Variants in KIRREL3 observed in about 807,000 individuals in gnomAD.
The protein encoded by KIRREL3 is kin of IRRE-like protein 3.
In KIRREL3, 36 loss-of-function variants were observed where a neutral mutation model predicts 89.7. The observed-to-expected ratio is 0.40, with a 90% CI of 0.31 to 0.53. The LOEUF is 0.53. Ranked by LOEUF, KIRREL3 falls within the 20% of genes least tolerant of loss-of-function variation. The probability of loss-of-function intolerance (pLI) is 0.49; values close to 1 mark genes in which losing one functional copy is unlikely to be tolerated. For synonymous variants in KIRREL3, 445 were observed against 441.4 expected, an observed-to-expected ratio of 1.01 and a Z score of -0.10; for missense variants, 864 against 1,056.6, an observed-to-expected ratio of 0.82 and a Z score of 2.53.
At position 126,423,717 on chromosome 11, in the gene KIRREL3, G is replaced by A. The variant is rs1954814196; in HGVS notation, c.*863C>T. On this transcript the variant is annotated 3_prime_UTR_variant, in exon 17 of 17. Transcript: ENST00000525144. Reference sequence around the variant, plus strand: ...TCTCCATAAGTGTTCAGAGAACCCTGACCAGAGAAGCTCCCGCACTTCTTA... The same window carrying A: ...TCTCCATAAGTGTTCAGAGAACCCTAACCAGAGAAGCTCCCGCACTTCTTA... 1 of 152,186 alleles carries A rather than the reference G, an allele frequency of 6.6e-6. No individual in the cohort carries two copies. The highest frequency in any genetic ancestry group is 2.4e-5 in the African/African-American group (1 of 41,408). 9.4% of individuals were successfully genotyped at this position (152,186 alleles called of 1,614,324 possible). A position where few individuals can be genotyped will look rare whatever the true frequency, so the allele number is the denominator to read the frequency against.
At chr11:126,457,250 T>C (rs1162409205) in intron 6 of KIRREL3, among the ~76,000 whole-genome samples, 4 of 131,180 alleles carry the variant, frequency 3.0e-5, no homozygotes, top group African/African-American at 1.7e-4. Context: ...TGTATGTGTG[T>C]GTATGTGTGT....
intron 1 of KIRREL3, among the ~76,000 whole-genome samples, chr11:126,839,980 G>A (rs920581703): frequency 2.0e-5 from 3 of 152,152 alleles, no homozygotes; most frequent in African/African-American, 7.2e-5. Flanking sequence ...AGGAAGGAAA[G>A]TGTACACAGC....
At chr11:126,444,548 G>A (rs1043942779) in intron 10 of KIRREL3, among the ~76,000 whole-genome samples, 5 of 152,184 alleles carry the variant, frequency 3.3e-5, no homozygotes, top group Non-Finnish European at 7.3e-5. Context: ...AGCTGAGATC[G>A]TGCCACTGCA....
At chr11:126,792,385 T>C (rs554387123) in intron 1 of KIRREL3, among the ~76,000 whole-genome samples, 1 of 152,334 alleles carries the variant, frequency 6.6e-6, no homozygotes, top group Non-Finnish European at 1.5e-5. Context: ...AAAATGGTGA[T>C]GCAGAGAAGT....
Position 126,669,998 on chromosome 11 carries a change from A to T in KIRREL3, c.56-107086T>A, listed in dbSNP as rs1009544822. Among the ~76,000 whole-genome samples the T allele has an allele frequency of 6.6e-6, 1 of 151,682 alleles. No homozygotes were observed. The highest frequency in any genetic ancestry group is 1.5e-5 in the Non-Finnish European group (1 of 67,942). ...CAAGCTCATGCCTCAGTCTCCCCTG[A>T]CTCTTCCCATTCCTTCTCCCAGCAC... On this transcript the variant is annotated intron_variant, in intron 1 of 16. Transcript: ENST00000525144. This position sits in a 1 kb window ranked among gnomAD's most constrained non-coding sequence, Gnocchi z 5.0.
At position 126,954,153 on chromosome 11, in the gene KIRREL3, T is replaced by A. The variant is rs559292673; in HGVS notation, c.55+46302A>T. Reference sequence around the variant, plus strand: ...TCCAAATGAGTGAGGTGGGGGGTGGTATTGAGGTATTGAGGTCATCACTTA... The same window carrying A: ...TCCAAATGAGTGAGGTGGGGGGTGGAATTGAGGTATTGAGGTCATCACTTA... On this transcript the variant is annotated intron_variant, in intron 1 of 16. Transcript: ENST00000525144. This position sits in a 1 kb window ranked among gnomAD's most constrained non-coding sequence, Gnocchi z 4.1. 1.3e-5 allele frequency among the ~76,000 whole-genome samples: 2 copies of A among 151,978 alleles called. No individual in the cohort carries two copies. The highest frequency in any genetic ancestry group is 4.8e-5 in the African/African-American group (2 of 41,444).
In KIRREL3 at chr11:126,990,835, G is replaced by A. The variant is rs1162557396; in HGVS notation, c.55+9620C>T. On this transcript the variant is annotated intron_variant, in intron 1 of 16. Transcript: ENST00000525144. The surrounding 1 kb of genome is among the most constrained non-coding windows in gnomAD (Gnocchi z 6.3). ...AACGCAACCACTGAGGGATTAAGTG[G>A]TGGTTTTGCTTTCTTTGCCACAAGG... 1.3e-5 allele frequency among the ~76,000 whole-genome samples: 2 copies of A among 152,226 alleles called. No homozygotes were observed. The highest frequency in any genetic ancestry group is 2.9e-5 in the Non-Finnish European group (2 of 68,040).
chr11:126,554,209 G>A (rs1222758853), intron 2 of KIRREL3, among the ~76,000 whole-genome samples: 1 of 152,118 alleles, frequency 6.6e-6, no homozygotes, highest in Non-Finnish European at 1.5e-5. Flanking sequence ...TGACATCACC[G>A]AAGACAGGAT....
At chr11:126,799,321 T>C (rs1472410012) in intron 1 of KIRREL3, among the ~76,000 whole-genome samples, 1 of 73,082 alleles carries the variant, frequency 1.4e-5, no homozygotes, top group Non-Finnish European at 2.6e-5. Context: ...TGTGTACCTA[T>C]GTGTATCTGT....
In KIRREL3 at chr11:126,904,097, C is replaced by G. The variant is rs1441487641; in HGVS notation, c.55+96358G>C. ...AAGACCCTGAAGGTCCTTTCCAACT[C>G]TAAATTGCTATGATTTTATGAAGAT... On this transcript the variant is annotated intron_variant, in intron 1 of 16. Transcript: ENST00000525144. This position sits in a 1 kb window ranked among gnomAD's most constrained non-coding sequence, Gnocchi z 4.4. 2.0e-5 allele frequency among the ~76,000 whole-genome samples: 3 copies of G among 152,188 alleles called. No individual in the cohort carries two copies. Among genetic ancestry groups the G allele is most frequent in the Non-Finnish European group, 4.4e-5 (3 of 68,026 alleles).
chr11:126,930,353 G>A (rs948124), intron 1 of KIRREL3, among the ~76,000 whole-genome samples: 50,221 of 151,936 alleles, frequency 0.33, 8,975 homozygotes, highest in Middle Eastern at 0.54. Flanking sequence ...CATTCTTTGC[G>A]ATGTTTGGAG....
Position 127,000,421 on chromosome 11 carries a change from C to CT in KIRREL3, c.55+33dup. On this transcript the variant is annotated intron_variant, in intron 1 of 16. Transcript: ENST00000525144. This position sits in a 1 kb window ranked among gnomAD's most constrained non-coding sequence, Gnocchi z 7.1. ...TCCCGCGCCCTGACAACCCAGCCGA[C>CT]TTTCTTCCAACTCCAGCAGCGCAGG... 1 of 1,574,768 alleles carries CT rather than the reference C, an allele frequency of 6.4e-7. No individual in the cohort carries two copies.
Position 126,669,200 on chromosome 11 carries a change from T to C in KIRREL3, c.56-106288A>G, listed in dbSNP as rs1247623046. 1.3e-5 allele frequency among the ~76,000 whole-genome samples: 2 copies of C among 152,162 alleles called. No homozygotes were observed. Among genetic ancestry groups the C allele is most frequent in the African/African-American group, 2.4e-5 (1 of 41,438 alleles). On this transcript the variant is annotated intron_variant, in intron 1 of 16. Coordinates refer to ENST00000525144, the MANE Select transcript of KIRREL3 (RefSeq NM_032531.4). This position sits in a 1 kb window ranked among gnomAD's most constrained non-coding sequence, Gnocchi z 5.0. ...TTGTTTGTTATGGCAAGAATTCCCT[T>C]TAGTGACTAGTGTTGGGAGTTGTTA... is the stretch of plus-strand genomic sequence containing the variant.
rs569236644 is a variant in KIRREL3, at chr11:126,528,239, C to G, written c.134-1552G>C. On this transcript the variant is annotated intron_variant, in intron 2 of 16. Coordinates refer to ENST00000525144, the MANE Select transcript of KIRREL3 (RefSeq NM_032531.4). This position sits in a 1 kb window ranked among gnomAD's most constrained non-coding sequence, Gnocchi z 4.6. ...ATGCTGTGGCCTCTCCTCCCCAACCCGGGAGAGTCAGGGGCAGCCACAGAC... is the reference window on the plus strand; with the variant it reads ...ATGCTGTGGCCTCTCCTCCCCAACCGGGGAGAGTCAGGGGCAGCCACAGAC... Among the ~76,000 whole-genome samples, 20 of 152,338 alleles carry G rather than the reference C, an allele frequency of 1.3e-4. No homozygotes were observed. In the East Asian group the frequency reaches 3.5e-3, roughly 26 times the overall value.
chr11:126,599,356 G>C (rs530894730), intron 1 of KIRREL3, among the ~76,000 whole-genome samples: 10 of 152,258 alleles, frequency 6.6e-5, no homozygotes, highest in Admixed American at 6.5e-4. Flanking sequence ...AGGCAGGCAC[G>C]CTTTCGGCTG....
chr11:126,741,219 G>A (rs891371773), intron 1 of KIRREL3, among the ~76,000 whole-genome samples: 14 of 152,248 alleles, frequency 9.2e-5, no homozygotes, highest in African/African-American at 2.9e-4. Flanking sequence ...CTCCCTTGGA[G>A]CACAGATCCA....
chr11:126,949,301 G>A (rs987819453), intron 1 of KIRREL3, among the ~76,000 whole-genome samples: 1 of 152,176 alleles, frequency 6.6e-6, no homozygotes, highest in Non-Finnish European at 1.5e-5. Flanking sequence ...TCTTTGTGAG[G>A]TGGTGGGTCT....
intron 1 of KIRREL3, among the ~76,000 whole-genome samples, chr11:126,665,291 C>A (rs906112054): frequency 6.6e-6 from 1 of 152,310 alleles, no homozygotes; most frequent in South Asian, 2.1e-4. Flanking sequence ...GTCACTGAGA[C>A]TGCCAGCTCT....
intron 1 of KIRREL3, among the ~76,000 whole-genome samples, chr11:126,737,982 T>C (rs370633048): frequency 6.6e-6 from 1 of 152,340 alleles, no homozygotes; most frequent in East Asian, 1.9e-4. Context: ...TTTAACTGTA[T>C]TTTTGTCCTT....
Sources: allele counts gnomAD v4.1 joint callset (sites outside exome capture counted in the v4.1 genomes callset), GRCh38; gene constraint gnomAD v4.1.1; non-coding constraint Gnocchi (gnomAD v3.1); transcripts MANE v1.5; gene names NCBI Gene and HGNC (gene_info 2026-07-23, HGNC 2026-07-21).